The following VPS9D1 variants were observed in gnomAD, a reference collection of about 807,000 sequenced individuals.
VPS9D1 encodes VPS9 domain containing 1.
Under a neutral mutation model 75.8 loss-of-function variants are expected in VPS9D1, and 78 were observed. That is an observed-to-expected ratio of 1.03 (90% CI 0.86 to 1.24). The LOEUF (loss-of-function observed/expected upper bound fraction) is 1.24. VPS9D1 is among the 50% of genes most tolerant of loss of function. The pLI is 0.00. For missense variants in VPS9D1, 1,057 were observed against 847.7 expected, an observed-to-expected ratio of 1.25 and a Z score of -3.07; for synonymous variants, 481 against 385.6, an observed-to-expected ratio of 1.25 and a Z score of -2.90.
At chr16:89,719,624 C>T (rs1362046046) in intron 1 of VPS9D1, among the ~76,000 whole-genome samples, 3 of 152,172 alleles carry the variant, frequency 2.0e-5, no homozygotes, top group Admixed American at 6.6e-5. Context: ...CTGCGAGTTA[C>T]GTATTTCCAG....
chr16:89,720,799 G>A lies in VPS9D1; in HGVS notation c.63C>T (p.Asn21=). The A allele has an allele frequency of 6.8e-7, 1 of 1,461,422 alleles. No individual in the cohort carries two copies. Among genetic ancestry groups the A allele is most frequent in the Non-Finnish European group, 9.1e-7 (1 of 1,103,570 alleles). 90.5% of individuals were successfully genotyped at this position (1,461,422 alleles called of 1,614,324 possible). Residue 21 remains asparagine, a synonymous_variant, in exon 1 of 15, where the codon AAC becomes AAT. Transcript: ENST00000389386. ...TGCCGGTGTCCAGCTCGATGGCCCC[G>A]TTGGCAAGCTTCATGGCGCTCTGCA... ...KPLQSAMKLA[N]GAIELDTGNR...
chr16:89,708,720 G>A, intron 13 of VPS9D1, 137 bp downstream of exon 13: 3 of 1,126,792 alleles, frequency 2.7e-6, no homozygotes, highest in Non-Finnish European at 3.7e-6. Context: ...AGCCAGGGCT[G>A]GGCCCACACG....
intron 1 of VPS9D1, 87 bp from the exon 2 acceptor site, chr16:89,719,189 C>T (rs1342666269): frequency 8.4e-7 from 1 of 1,194,626 alleles, no homozygotes. Context: ...GTGGGATAAG[C>T]AAGGAACACC....
intron 3 of VPS9D1, 39 bp downstream of exon 3, chr16:89,716,691 G>A: frequency 6.3e-7 from 1 of 1,596,622 alleles, no homozygotes; most frequent in Non-Finnish European, 8.5e-7. Flanking sequence ...GCGGGCTTGG[G>A]GGATGCCCCA....
intron 14 of VPS9D1, 133 bp from the exon 15 acceptor site, chr16:89,708,087 G>A (rs1011269071): frequency 5.6e-5 from 48 of 852,060 alleles, no homozygotes; most frequent in Admixed American, 4.8e-4. Flanking sequence ...CTGTCAGGGC[G>A]GCTGGGCTAG....
chr16:89,709,572 C>T (rs1244527237), intron 11 of VPS9D1, 137 bp from the exon 12 acceptor site: 1 of 1,277,276 alleles, frequency 7.8e-7, no homozygotes, highest in Non-Finnish European at 1.0e-6. Context: ...TGCCAAGACC[C>T]CAGGCACGGG....
chr16:89,708,961 G>A lies in VPS9D1; in HGVS notation c.1598-5C>T, dbSNP rs1046311793. The A allele has an allele frequency of 1.1e-5, 18 of 1,592,848 alleles. No homozygotes were observed. The East Asian group carries it at 1.6e-4, about 14-fold the overall frequency. ...AGATGATCCGCAGGGTCCGCACTGC[G>A]CCCCAGACAGGGTTTCAGGGGCAGT... On this transcript the variant is annotated splice_region_variant and splice_polypyrimidine_tract_variant and intron_variant, in intron 12 of 14. Coordinates refer to ENST00000389386, the MANE Select transcript of VPS9D1 (RefSeq NM_004913.3).
intron 4 of VPS9D1, among the ~76,000 whole-genome samples, chr16:89,713,601 G>C (rs563624454): frequency 6.6e-6 from 1 of 152,146 alleles, no homozygotes; most frequent in South Asian, 2.1e-4. Flanking sequence ...CTTCTATGGA[G>C]ATCCGTTATA....
Position 89,719,112 on chromosome 16 carries a change from G to A in VPS9D1, c.100-10C>T, listed in dbSNP as rs1329296208. ...ATTCCGTGTATGCCTCCTGTGTCCAGGAAAGAGAAAGAGTGGGGTCAGGCC... is the reference window on the plus strand; with the variant it reads ...ATTCCGTGTATGCCTCCTGTGTCCAAGAAAGAGAAAGAGTGGGGTCAGGCC... On this transcript the variant is annotated splice_polypyrimidine_tract_variant and intron_variant, in intron 1 of 14. Transcript: ENST00000389386. The A allele has an allele frequency of 6.2e-7, 1 of 1,613,176 alleles. No homozygotes were observed. The highest frequency in any genetic ancestry group is 1.1e-5 in the South Asian group (1 of 91,066).
At chr16:89,717,568 G>A (rs1421916467) in intron 2 of VPS9D1, 1 of 456,400 alleles carries the variant, frequency 2.2e-6, no homozygotes, top group Non-Finnish European at 4.4e-6. Context: ...CCACCTCCCT[G>A]CTGCCCTTCA....
At position 89,708,431 on chromosome 16, in the gene VPS9D1, C is replaced by T. The variant is rs770662029; in HGVS notation, c.1798G>A (p.Glu600Lys). The T allele has an allele frequency of 8.7e-6, 14 of 1,611,102 alleles. No homozygotes were observed. The highest frequency in any genetic ancestry group is 4.4e-5 in the South Asian group (4 of 90,636). The change falls in exon 14 of 15, where the codon GAG becomes AAG. Residue 600 changes from glutamate (E) to lysine (K), a missense_variant. Physicochemically the swap from Glu to Lys is moderately conservative, Grantham distance 56 (BLOSUM62 1). Transcript: ENST00000389386. ...CCCTGACCCGCCAGGGTCTACCCCTCGTGGATGAACTCCTCCAGGGCCGCG... is the reference window on the plus strand; with the variant it reads ...CCCTGACCCGCCAGGGTCTACCCCTTGTGGATGAACTCCTCCAGGGCCGCG... ...ECAALEEFIH[E>K]GYLIGEEGYC...
At chr16:89,709,749 G>A (rs751654330) in intron 11 of VPS9D1, 28 bp downstream of exon 11, 136 of 1,613,014 alleles carry the variant, frequency 8.4e-5, no homozygotes, top group Admixed American at 1.7e-4. Context: ...ACTAGGCCAC[G>A]CAGGTGGTTG....
At chr16:89,717,756 C>T in intron 2 of VPS9D1, 1 of 456,686 alleles carries the variant, frequency 2.2e-6, no homozygotes, top group Non-Finnish European at 4.4e-6. Flanking sequence ...CCACCCAACT[C>T]CTCAATCTTG....
Position 89,711,892 on chromosome 16 carries a change from T to A in VPS9D1, c.737A>T (p.Glu246Val). 1 of 1,550,972 alleles carries A rather than the reference T, an allele frequency of 6.4e-7. No individual in the cohort carries two copies. The highest frequency in any genetic ancestry group is 8.7e-7 in the Non-Finnish European group (1 of 1,146,860). ...CCGTGGGGGACGCACATGGTCCTGT[T>A]CGTACTCCAGGATGGCGGCGTAAAG... ...RALYAAILEY[E>V]QDHDWPKHWK... Residue 246 changes from glutamate (E) to valine (V), a missense_variant, in exon 8 of 15, where the codon GAA becomes GTA. Coordinates refer to ENST00000389386, the MANE Select transcript of VPS9D1 (RefSeq NM_004913.3).
At chr16:89,711,814 C>A (rs2060934319) in intron 8 of VPS9D1, 68 bp downstream of exon 8, 3 of 1,510,394 alleles carry the variant, frequency 2.0e-6, no homozygotes, top group Non-Finnish European at 2.7e-6. Flanking sequence ...GGGGCCCACC[C>A]AGGCGGCTCT....
At position 89,711,854 on chromosome 16, in the gene VPS9D1, A is replaced by G. The variant is rs1436124014; in HGVS notation, c.747+28T>C. 5 of 1,546,396 alleles carry G rather than the reference A, an allele frequency of 3.2e-6. No individual in the cohort carries two copies. The South Asian group carries it at 4.8e-5, about 15-fold the overall frequency. ...CCGCCCCCCTCGCTGGGCTCCTCCT[A>G]CAAAGCCTGGGCCCGTGGGGGACGC... On this transcript the variant is annotated intron_variant, in intron 8 of 14. Transcript: ENST00000389386.
rs989694237 is a variant in VPS9D1, at chr16:89,711,426, G to A, written c.748-14C>T. On this transcript the variant is annotated splice_polypyrimidine_tract_variant and intron_variant, in intron 8 of 14. Coordinates refer to ENST00000389386, the MANE Select transcript of VPS9D1 (RefSeq NM_004913.3). Reference sequence around the variant, plus strand: ...CTTCGGCCAGTCCTACGGGACAGGGGGCCTTGAAGGAAAGCACGGTGGGTC... The same window carrying A: ...CTTCGGCCAGTCCTACGGGACAGGGAGCCTTGAAGGAAAGCACGGTGGGTC... 25 of 1,596,322 alleles carry A rather than the reference G, an allele frequency of 1.6e-5. No individual in the cohort carries two copies. The highest frequency in any genetic ancestry group is 2.0e-5 in the Non-Finnish European group (24 of 1,171,558).
rs187086089 is a variant in VPS9D1, at chr16:89,709,431, C to A, written c.1393G>T (p.Val465Leu). The change falls in exon 12 of 15, where the codon GTG (valine) becomes TTG (leucine). Residue 465 changes from valine to leucine, a missense_variant. Transcript: ENST00000389386. ...WPLLLALYRS[V>L]HRAREAALSR... ...AGGGCAGCCTCCCGGGCTCGGTGCA[C>A]GCTCCTGGGGCAGAGAGAGGCCAGG... 4.0e-6 allele frequency: 6 copies of A among 1,512,536 alleles called. No homozygotes were observed. The highest frequency in any genetic ancestry group is 4.4e-6 in the Non-Finnish European group (5 of 1,139,076). The allele number at this position is 1,512,536 out of a possible 1,614,324, so 93.7% of individuals were successfully genotyped here.
chr16:89,710,897 G>C lies in VPS9D1; in HGVS notation c.947C>G (p.Pro316Arg), dbSNP rs760645849. ...AAAPAPGCCP[P>R]TPNPGSRRLR... ...CCGTCGGCTTCCGGGGTTGGGGGTC[G>C]GGGGGCAGCAGCCTGGGGCTGGCGC... The change falls in exon 10 of 15, where the codon CCG becomes CGG. Residue 316 changes from proline to arginine, a missense_variant. Coordinates refer to ENST00000389386, the MANE Select transcript of VPS9D1 (RefSeq NM_004913.3). 1 of 1,495,734 alleles carries C rather than the reference G, an allele frequency of 6.7e-7. No individual in the cohort carries two copies. Among genetic ancestry groups the C allele is most frequent in the Non-Finnish European group, 8.9e-7 (1 of 1,126,912 alleles). The allele number at this position is 1,495,734 out of a possible 1,614,324, so 92.7% of individuals were successfully genotyped here. A position where few individuals can be genotyped will look rare whatever the true frequency, so the allele number is the denominator to read the frequency against.
Sources: gnomAD v4.1 joint callset for allele counts (sites outside exome capture counted in the v4.1 genomes callset) on GRCh38, gnomAD v4.1.1 for gene constraint, MANE v1.5 for transcripts, NCBI Gene and HGNC (gene_info 2026-07-23, HGNC 2026-07-21) for gene names.